RUSF1: variants seen among roughly 807,000 people sequenced by gnomAD.
RUSF1 encodes RUS family member 1.
In RUSF1, 58 loss-of-function variants were observed where a neutral mutation model predicts 63.0. The observed-to-expected ratio is 0.92, with a 90% confidence interval of 0.75 to 1.15. RUSF1 has a LOEUF of 1.15. Among genes scored for constraint, RUSF1 ranks in the 50% most tolerant of loss-of-function variants. RUSF1 has a pLI of 0.00. For missense variants in RUSF1, 652 were observed against 611.0 expected (o/e 1.07, Z -0.71); for synonymous variants, 274 against 255.8 (o/e 1.07, Z -0.68).
intron 2 of RUSF1, among the ~76,000 whole-genome samples, chr16:31,501,243 C>A (rs79414612): frequency 0.047 from 7,141 of 152,246 alleles, 227 homozygotes; most frequent in South Asian, 0.11. Context: ...CCTGTTCTAG[C>A]TCTTAGGCTG....
chr16:31,505,911 C>T (rs1393075670), intron 2 of RUSF1, among the ~76,000 whole-genome samples: 2 of 152,206 alleles, frequency 1.3e-5, no homozygotes, highest in Non-Finnish European at 2.9e-5. Flanking sequence ...TGAAGACTGA[C>T]AGCCTGCCGT....
In RUSF1 at chr16:31,508,193, C is replaced by A; in HGVS notation, c.181G>T (p.Gly61Trp). 1 of 1,567,016 alleles carries A rather than the reference C, an allele frequency of 6.4e-7. No homozygotes were observed. The highest frequency in any genetic ancestry group is 1.9e-5 in the Admixed American group (1 of 53,322). The change falls in exon 1 of 13, where the codon GGG (glycine) becomes TGG (tryptophan). Residue 61 changes from glycine (G) to tryptophan (W), a missense_variant. Coordinates refer to ENST00000327237, the MANE Select transcript of RUSF1 (RefSeq NM_022744.4). ...KPEGRDAGEV[G>W]ASGAPSPPLS... ...GGCGGTGAGGGGGCCCCGGAAGCCC[C>A]CACTTCGCCCGCATCTCGTCCTTCA... is the stretch of plus-strand genomic sequence containing the variant.
chr16:31,502,747 A>G (rs955688596), intron 2 of RUSF1, among the ~76,000 whole-genome samples: 2 of 152,202 alleles, frequency 1.3e-5, no homozygotes, highest in East Asian at 3.9e-4. Flanking sequence ...CTTCAAGTAC[A>G]TTATATTCTC....
At chr16:31,496,480 G>A (rs1031914173) in intron 6 of RUSF1, among the ~76,000 whole-genome samples, 2 of 152,200 alleles carry the variant, frequency 1.3e-5, no homozygotes, top group Non-Finnish European at 2.9e-5. Flanking sequence ...GGGCCAGCAG[G>A]CCTGCTAAAC....
chr16:31,500,587 G>T, intron 3 of RUSF1, 99 bp downstream of exon 3: 1 of 1,441,150 alleles, frequency 6.9e-7, no homozygotes, highest in South Asian at 1.3e-5. Flanking sequence ...ATCATCTCAT[G>T]GAACCCTTAC....
rs1252853699 is a variant in RUSF1 at position 31,490,670 on chromosome 16, C to G, written c.*165G>C. The G allele has an allele frequency of 3.1e-5, 34 of 1,089,420 alleles. No homozygotes were observed. The South Asian group carries it at 4.1e-4, about 13-fold the overall frequency. The allele number at this position is 1,089,420 out of a possible 1,614,324, so 67.5% of individuals were successfully genotyped here. ...CTCCCCTTCTCCCGGCCTTCCTCTG[C>G]CTGGGGCCCACTGCATCTGATTGGC... On this transcript the variant is annotated 3_prime_UTR_variant, in exon 13 of 13. Transcript: ENST00000327237.
intron 12 of RUSF1, among the ~76,000 whole-genome samples, chr16:31,491,558 T>G (rs558826051): frequency 2.0e-5 from 3 of 151,038 alleles, no homozygotes; most frequent in Non-Finnish European, 4.4e-5. Flanking sequence ...CTCAAGTATC[T>G]GCCCGCCTTG....
chr16:31,490,646 TC>T lies in RUSF1; in HGVS notation c.*188del. On this transcript the variant is annotated 3_prime_UTR_variant, in exon 13 of 13. Transcript: ENST00000327237. Reference sequence around the variant, plus strand: ...GGCAGTGGGGTGAGAAGGTCCTGGCTCCCCTTCTCCCGGCCTTCCTCTGCCT... The same window carrying T: ...GGCAGTGGGGTGAGAAGGTCCTGGCTCCCTTCTCCCGGCCTTCCTCTGCCT... 1 of 1,117,714 alleles carries T rather than the reference TC, an allele frequency of 8.9e-7. No individual in the cohort carries two copies. The highest frequency in any genetic ancestry group is 1.3e-6 in the Non-Finnish European group (1 of 756,010). 69.2% of individuals were successfully genotyped at this position (1,117,714 alleles called of 1,614,324 possible). A position where few individuals can be genotyped will look rare whatever the true frequency, so the allele number is the denominator to read the frequency against.
At chr16:31,492,906 G>A in intron 10 of RUSF1, 72 bp downstream of exon 10, 2 of 1,478,026 alleles carry the variant, frequency 1.4e-6, no homozygotes, top group Non-Finnish European at 1.8e-6. Flanking sequence ...AGAGCTCGGG[G>A]CCCTAGGTTG....
chr16:31,492,608 C>T (rs1459867215), intron 10 of RUSF1, among the ~76,000 whole-genome samples: 1 of 152,202 alleles, frequency 6.6e-6, no homozygotes, highest in African/African-American at 2.4e-5. Flanking sequence ...CACCTTTTCA[C>T]ACTCAACCAG....
rs756125137 is a variant in RUSF1 at position 31,492,995 on chromosome 16, CAG to C, written c.1068_1069del (p.Cys357LeufsTer56). The C allele has an allele frequency of 1.2e-6, 2 of 1,612,850 alleles. No individual in the cohort carries two copies. The highest frequency in any genetic ancestry group is 1.7e-6 in the Non-Finnish European group (2 of 1,179,194). The stretch of plus-strand genomic sequence containing the variant: ...ACACTCACTTTGTGACTGGTCCCAG[CAG>C]AGGAGGTAGGATTCTTGGTGCCCCT... On this transcript the variant is annotated frameshift_variant, in exon 10 of 13. Transcript: ENST00000327237. LOFTEE classifies it high-confidence loss of function.
intron 6 of RUSF1, among the ~76,000 whole-genome samples, chr16:31,496,572 G>T (rs970211636): frequency 1.3e-5 from 2 of 152,178 alleles, no homozygotes; most frequent in African/African-American, 4.8e-5. Context: ...TGACATGTGG[G>T]GCCTCATGTG....
rs752059218 is a variant in RUSF1, at chr16:31,499,343, T to C, written c.559A>G (p.Ile187Val). 6.2e-6 allele frequency: 10 copies of C among 1,613,676 alleles called. No homozygotes were observed. Among genetic ancestry groups the C allele is most frequent in the Non-Finnish European group, 8.5e-6 (10 of 1,179,806 alleles). ...GTGGAGACGGTCATGGTGAAACAGATTGGGTATACAGGAGCCATAATCTCA... is the reference window on the plus strand; with the variant it reads ...GTGGAGACGGTCATGGTGAAACAGACTGGGTATACAGGAGCCATAATCTCA... ...FLEIMAPVYP[I>V]CFTMTVSTSN... The change falls in exon 5 of 13, where the codon ATC (isoleucine) becomes GTC (valine). Residue 187 changes from isoleucine (I) to valine (V), a missense_variant. Physicochemically the swap from Ile to Val is conservative, Grantham distance 29. Coordinates refer to ENST00000327237, the MANE Select transcript of RUSF1 (RefSeq NM_022744.4).
chr16:31,491,996 T>C lies in RUSF1; in HGVS notation c.1309+13A>G. 1 of 1,613,982 alleles carries C rather than the reference T, an allele frequency of 6.2e-7. No homozygotes were observed. The highest frequency in any genetic ancestry group is 1.1e-5 in the South Asian group (1 of 91,066). ...CTTCAGGGGCCAAGCAGCCATGGGCTGAGGGATGTTACCTTTCAAGAACTT... is the reference window on the plus strand; with the variant it reads ...CTTCAGGGGCCAAGCAGCCATGGGCCGAGGGATGTTACCTTTCAAGAACTT... On this transcript the variant is annotated intron_variant, in intron 12 of 12. Coordinates refer to ENST00000327237, the MANE Select transcript of RUSF1 (RefSeq NM_022744.4).
intron 2 of RUSF1, among the ~76,000 whole-genome samples, chr16:31,505,814 G>A (rs1003212379): frequency 7.2e-5 from 11 of 152,082 alleles, no homozygotes; most frequent in African/African-American, 2.7e-4. Context: ...TAGAGGACCC[G>A]CTTCCTGTCC....
rs747574074 is a variant in RUSF1 at position 31,508,244 on chromosome 16, G to GC, written c.129dup (p.Leu44AlafsTer10). ...GGTTTGACCGTGAAGGCCCTGGAGA[G>GC]CCCCCACCAGCGCCAGCCCCCGACC... On this transcript the variant is annotated frameshift_variant, in exon 1 of 13. Transcript: ENST00000327237. LOFTEE classifies it high-confidence loss of function. 36 of 1,563,408 alleles carry GC rather than the reference G, an allele frequency of 2.3e-5. No homozygotes were observed. The highest frequency in any genetic ancestry group is 3.1e-5 in the Non-Finnish European group (36 of 1,154,312).
intron 2 of RUSF1, among the ~76,000 whole-genome samples, chr16:31,505,259 T>C (rs1410513593): frequency 6.6e-6 from 1 of 152,152 alleles, no homozygotes; most frequent in Non-Finnish European, 1.5e-5. Context: ...CTTGAACTTA[T>C]TTGTGACAGA....
At chr16:31,504,176 A>G (rs1304903262) in intron 2 of RUSF1, among the ~76,000 whole-genome samples, 1 of 151,728 alleles carries the variant, frequency 6.6e-6, no homozygotes, top group African/African-American at 2.4e-5. Flanking sequence ...CTGGGATTAT[A>G]GGCGTGAGCC....
chr16:31,508,289 C>CCGCGGCGG lies in RUSF1; in HGVS notation c.77_84dup (p.Asp29ProfsTer85), dbSNP rs1265967840. 9 of 1,575,596 alleles carry CCGCGGCGG rather than the reference C, an allele frequency of 5.7e-6. No homozygotes were observed. The highest frequency in any genetic ancestry group is 3.7e-5 in the Admixed American group (2 of 54,698). On this transcript the variant is annotated frameshift_variant, in exon 1 of 13. Coordinates refer to ENST00000327237, the MANE Select transcript of RUSF1 (RefSeq NM_022744.4). LOFTEE classifies it high-confidence loss of function. ...CCGACCTCCCACTGCAGGCTCCCGTCCGCGGCGGCGCGGCAGCCCCGTGCC... is the reference window on the plus strand; with the variant it reads ...CCGACCTCCCACTGCAGGCTCCCGTCCGCGGCGGCGCGGCGGCGCGGCAGCCCCGTGCC...
Sources: allele counts gnomAD v4.1 joint callset (sites outside exome capture counted in the v4.1 genomes callset), GRCh38; gene constraint gnomAD v4.1.1; transcripts MANE v1.5; gene names NCBI Gene and HGNC (gene_info 2026-07-23, HGNC 2026-07-21).